LIMS1: variants seen among roughly 807,000 people sequenced by gnomAD.
LIMS1 encodes LIM and senescent cell antigen-like-containing domain protein 1.
A neutral mutation model predicts 44.1 loss-of-function variants in LIMS1; 18 were observed. The ratio of observed to expected loss-of-function variants is 0.41; its 90% CI spans 0.28 to 0.61. The LOEUF is 0.61. LIMS1 is among the 20% of genes least tolerant of loss of function. The pLI is 0.32. For missense variants in LIMS1, 201 were observed against 422.0 expected (o/e 0.48, Z 4.59); for synonymous variants, 93 against 149.1 (o/e 0.62, Z 2.74).
At chr2:108,556,241 C>T (rs1684921043) in intron 1 of LIMS1, among the ~76,000 whole-genome samples, 1 of 152,122 alleles carries the variant, frequency 6.6e-6, no homozygotes, top group African/African-American at 2.4e-5. Context: ...ATAATGTCCC[C>T]AAGGTTCATC....
intron 5 of LIMS1, chr2:108,673,740 T>A (rs1043926475): frequency 7.9e-5 from 12 of 152,170 alleles, no homozygotes; most frequent in Non-Finnish European, 1.8e-4. Context: ...AATCTTATAA[T>A]ATCAACTATC....
chr2:108,614,065 T>C (rs1687803648), intron 1 of LIMS1, among the ~76,000 whole-genome samples: 1 of 152,178 alleles, frequency 6.6e-6, no homozygotes, highest in Non-Finnish European at 1.5e-5. Flanking sequence ...ACTAAAGGTG[T>C]GTGAGGTGCA....
intron 1 of LIMS1, among the ~76,000 whole-genome samples, chr2:108,537,854 C>A (rs1192576003): frequency 6.6e-6 from 1 of 152,172 alleles, no homozygotes; most frequent in African/African-American, 2.4e-5. Context: ...GACCTTGGAG[C>A]CCCTCCACTG....
chr2:108,589,585 G>A (rs530039332), intron 1 of LIMS1, among the ~76,000 whole-genome samples: 1 of 152,222 alleles, frequency 6.6e-6, no homozygotes, highest in East Asian at 1.9e-4. Flanking sequence ...CTAGTTCCAT[G>A]AGGTGTAATA....
chr2:108,668,884 A>G (rs556123183), intron 2 of LIMS1, among the ~76,000 whole-genome samples: 3 of 152,216 alleles, frequency 2.0e-5, no homozygotes, highest in Non-Finnish European at 2.9e-5. Context: ...GTAGTATGGC[A>G]TAGTATCGAG....
At chr2:108,567,372 G>T (rs1346914918) in intron 1 of LIMS1, among the ~76,000 whole-genome samples, 1 of 152,098 alleles carries the variant, frequency 6.6e-6, no homozygotes, top group African/African-American at 2.4e-5. Flanking sequence ...CTGAGCTGCT[G>T]GGATAGGCTC....
At chr2:108,555,557 A>G (rs759787220) in intron 1 of LIMS1, among the ~76,000 whole-genome samples, 5 of 152,228 alleles carry the variant, frequency 3.3e-5, no homozygotes, top group Non-Finnish European at 7.3e-5. Flanking sequence ...CACTCTGAGC[A>G]CAAAGTGCTG....
chr2:108,597,821 T>C (rs1287480817), intron 1 of LIMS1, among the ~76,000 whole-genome samples: 1 of 150,804 alleles, frequency 6.6e-6, no homozygotes, highest in Non-Finnish European at 1.5e-5. Flanking sequence ...GCCTCCCGAA[T>C]AGCTGGGATT....
rs6756375 is a variant in LIMS1, at chr2:108,588,357, A to G, written c.32+53763A>G. ...AAGCTAAGATGAGGAAGTTCTGTAC[A>G]GTTTAGGAAATAGAGGCTTTCAAAG... On this transcript the variant is annotated intron_variant, in intron 1 of 9. Transcript: ENST00000544547. The G allele has an allele frequency of 5.5e-4, 546 of 985,402 alleles. 3 individuals carry two copies. In the African/African-American group the frequency reaches 8.9e-3, roughly 16 times the overall value. The allele number at this position is 985,402 out of a possible 1,614,324, so 61.0% of individuals were successfully genotyped here.
chr2:108,591,477 A>C (rs1169309014), intron 1 of LIMS1, among the ~76,000 whole-genome samples: 1 of 152,086 alleles, frequency 6.6e-6, no homozygotes, highest in African/African-American at 2.4e-5. Context: ...AAATTGATTG[A>C]TTGACAAGGT....
chr2:108,681,693 G>A (rs1693007209), intron 9 of LIMS1: 1 of 596,456 alleles, frequency 1.7e-6, no homozygotes. Context: ...AGGCAGAGTG[G>A]AAGGATTGCC....
At chr2:108,569,851 T>C (rs1022350554) in intron 1 of LIMS1, among the ~76,000 whole-genome samples, 5 of 148,714 alleles carry the variant, frequency 3.4e-5, no homozygotes, top group Non-Finnish European at 4.4e-5. Context: ...TCCTCCCACC[T>C]TGGCCTCCCA....
At chr2:108,533,814 CTT>C (rs1684005265), upstream of LIMS1, 1 of 152,428 alleles carries the variant, frequency 6.6e-6, no homozygotes, top group African/African-American at 2.4e-5. Context: ...GAAAGGTTAA[CTT>C]TTCTTAACTC....
intron 1 of LIMS1, among the ~76,000 whole-genome samples, chr2:108,608,329 G>A (rs533382993): frequency 1.4e-4 from 20 of 146,280 alleles, no homozygotes; most frequent in African/African-American, 3.8e-4. Flanking sequence ...TTTTTGAGAC[G>A]GTGTCTCGCT....
At chr2:108,607,800 A>G (rs949327752) in intron 1 of LIMS1, among the ~76,000 whole-genome samples, 2 of 152,186 alleles carry the variant, frequency 1.3e-5, no homozygotes, top group African/African-American at 4.8e-5. Flanking sequence ...TTGGTTATGT[A>G]TCAAGTAGGG....
At position 108,642,193 on chromosome 2, in the gene LIMS1, C is replaced by T. The variant is rs374412535; in HGVS notation, c.33-17412C>T. On this transcript the variant is annotated intron_variant, in intron 1 of 9. Transcript: ENST00000544547. ...AGAATGAAGCATTTACTAAGCACTC[C>T]GCTTTTTCTATATTGGAGTCCTGTA... 9.2e-5 allele frequency among the ~76,000 whole-genome samples: 14 copies of T among 152,154 alleles called. No homozygotes were observed. The East Asian group carries it at 1.4e-3, about 15-fold the overall frequency.
chr2:108,565,776 C>T (rs922754603), intron 1 of LIMS1, among the ~76,000 whole-genome samples: 1 of 152,102 alleles, frequency 6.6e-6, no homozygotes, highest in Non-Finnish European at 1.5e-5. Flanking sequence ...AATGAAGGCA[C>T]CAGCAGGTTC....
At chr2:108,629,306 C>T (rs1359653499) in intron 1 of LIMS1, among the ~76,000 whole-genome samples, 3 of 151,914 alleles carry the variant, frequency 2.0e-5, no homozygotes, top group Non-Finnish European at 4.4e-5. Flanking sequence ...GGATTGTTTC[C>T]AAAAAAGTTT....
chr2:108,636,689 T>C (rs1271358478), intron 1 of LIMS1, among the ~76,000 whole-genome samples: 1 of 152,244 alleles, frequency 6.6e-6, no homozygotes, highest in African/African-American at 2.4e-5. Flanking sequence ...TATTGCTAGA[T>C]GTATAGAATA....
Sources: allele counts gnomAD v4.1 joint callset (sites outside exome capture counted in the v4.1 genomes callset), GRCh38; gene constraint gnomAD v4.1.1; transcripts MANE v1.5; gene names NCBI Gene and HGNC (gene_info 2026-07-23, HGNC 2026-07-21).